MYOF: variants seen among roughly 807,000 people sequenced by gnomAD.
MYOF encodes myoferlin.
In MYOF, 244 loss-of-function variants were observed where a neutral mutation model predicts 284.2. The observed-to-expected ratio is 0.86, with a 90% confidence interval of 0.77 to 0.95. The LOEUF (loss-of-function observed/expected upper bound fraction) is 0.95, where lower values mean the gene tolerates loss of function less well. Among genes scored for constraint, MYOF ranks in the 40% least tolerant of loss-of-function variants. The pLI, the probability that MYOF is intolerant of heterozygous loss-of-function variation, is 0.00. For synonymous variants in MYOF, 904 were observed against 919.7 expected (o/e 0.98, Z 0.31); for missense variants, 2,496 against 2,560.6 (o/e 0.97, Z 0.54).
intron 3 of MYOF, among the ~76,000 whole-genome samples, chr10:93,451,001 A>T (rs569956444): frequency 2.4e-4 from 37 of 152,326 alleles, no homozygotes; most frequent in Non-Finnish European, 4.0e-4. Context: ...GTCACTAGGC[A>T]ATTGACTTCC....
At chr10:93,344,726 T>TAAAAAAAA (rs3081452) in intron 37 of MYOF, among the ~76,000 whole-genome samples, 3 of 76,230 alleles carry the variant, frequency 3.9e-5, no homozygotes, top group African/African-American at 9.2e-5. Flanking sequence ...GAACTTAAAT[T>TAAAAAAAA]AAAAAAAAAA....
chr10:93,358,064 G>T (rs542451522), intron 29 of MYOF, among the ~76,000 whole-genome samples: 4 of 152,194 alleles, frequency 2.6e-5, no homozygotes, highest in Non-Finnish European at 4.4e-5. Context: ...TCTGACAAAG[G>T]TCTAATATCC....
chr10:93,466,674 G>T (rs1372439811), intron 1 of MYOF, among the ~76,000 whole-genome samples: 1 of 152,136 alleles, frequency 6.6e-6, no homozygotes, highest in African/African-American at 2.4e-5. Context: ...ACACATTCAC[G>T]TCTGTTCCCT....
At chr10:93,480,314 G>A (rs2057358535) in intron 1 of MYOF, among the ~76,000 whole-genome samples, 1 of 152,134 alleles carries the variant, frequency 6.6e-6, no homozygotes, top group South Asian at 2.1e-4. Context: ...ACTTTGGGAA[G>A]CTGAGATGGG....
At chr10:93,318,552 A>C (rs1340822664) in intron 49 of MYOF, among the ~76,000 whole-genome samples, 1 of 152,162 alleles carries the variant, frequency 6.6e-6, no homozygotes, top group African/African-American at 2.4e-5. Context: ...TGAGGTCAGG[A>C]GTTCAAGACC....
chr10:93,428,566 AACAC>A (rs58503520), intron 4 of MYOF, among the ~76,000 whole-genome samples: 8,484 of 143,786 alleles, frequency 0.059, 448 homozygotes, highest in African/African-American at 0.15. Context: ...ACATCTGGTA[AACAC>A]ACACACACAC....
At chr10:93,369,071 T>G (rs961606152) in intron 25 of MYOF, among the ~76,000 whole-genome samples, 3 of 148,614 alleles carry the variant, frequency 2.0e-5, no homozygotes, top group African/African-American at 7.3e-5. Context: ...AGTGAAGGTT[T>G]TACAAATTAT....
At chr10:93,437,542 A>G (rs1849183640) in intron 3 of MYOF, among the ~76,000 whole-genome samples, 1 of 152,188 alleles carries the variant, frequency 6.6e-6, no homozygotes, top group Non-Finnish European at 1.5e-5. Context: ...AGGCTGAGAA[A>G]TAAATCACAT....
At position 93,463,394 on chromosome 10, in the gene MYOF, A is replaced by ATT. The variant is rs1554872325; in HGVS notation, c.89-6459_89-6458dup. Among the ~76,000 whole-genome samples, 109 of 78,920 alleles carry ATT rather than the reference A, an allele frequency of 1.4e-3. 1 individual carries two copies. Among genetic ancestry groups the ATT allele is most frequent in the Middle Eastern group, 0.012 (1 of 82 alleles). 51.8% of individuals were successfully genotyped at this position (78,920 alleles called of 152,430 possible). On this transcript the variant is annotated intron_variant, in intron 1 of 53. Coordinates refer to ENST00000359263, the MANE Select transcript of MYOF (RefSeq NM_013451.4). ...ACATAGTGAGACTTCGTCTCTACAA[A>ATT]TTTTTTTTTTTTTTTTTTTTTTTGA...
At chr10:93,440,242 T>C (rs1362403156) in intron 3 of MYOF, among the ~76,000 whole-genome samples, 4 of 152,058 alleles carry the variant, frequency 2.6e-5, no homozygotes, top group African/African-American at 9.7e-5. Flanking sequence ...TGAAACCCCA[T>C]TTCTACTAAA....
chr10:93,339,764 C>T (rs1032695028), intron 39 of MYOF, among the ~76,000 whole-genome samples: 2 of 151,954 alleles, frequency 1.3e-5, no homozygotes, highest in African/African-American at 2.4e-5. Flanking sequence ...CCACTGTGCC[C>T]GGCCCCCCTA....
chr10:93,418,105 G>A (rs1439654129), intron 5 of MYOF, among the ~76,000 whole-genome samples: 6 of 152,116 alleles, frequency 3.9e-5, no homozygotes, highest in Non-Finnish European at 8.8e-5. Flanking sequence ...CCTGGCCTCT[G>A]CCTTTGATCC....
intron 37 of MYOF, among the ~76,000 whole-genome samples, chr10:93,344,726 T>TAA (rs3081452): frequency 1.0e-4 from 8 of 76,216 alleles, no homozygotes; most frequent in South Asian, 5.6e-4. Context: ...GAACTTAAAT[T>TAA]AAAAAAAAAA....
At chr10:93,423,345 GGT>G (rs1007655352) in intron 5 of MYOF, among the ~76,000 whole-genome samples, 1 of 151,340 alleles carries the variant, frequency 6.6e-6, no homozygotes, top group African/African-American at 2.4e-5. Context: ...TGACCAACAT[GGT>G]GAAACTCTAT....
At chr10:93,448,475 G>C (rs2056499498) in intron 3 of MYOF, among the ~76,000 whole-genome samples, 1 of 152,012 alleles carries the variant, frequency 6.6e-6, no homozygotes, top group Non-Finnish European at 1.5e-5. Flanking sequence ...TAGTGTATTT[G>C]TTTATTTTCT....
intron 3 of MYOF, among the ~76,000 whole-genome samples, chr10:93,432,438 C>A (rs770942876): frequency 4.0e-5 from 6 of 151,890 alleles, no homozygotes; most frequent in Non-Finnish European, 5.9e-5. Context: ...CCCACTACCC[C>A]CCGCCAGAAT....
At chr10:93,344,061 T>C in intron 37 of MYOF, 129 bp from the exon 38 acceptor site, 2 of 875,102 alleles carry the variant, frequency 2.3e-6, no homozygotes, top group Non-Finnish European at 3.6e-6. Context: ...ACTTACAGAA[T>C]AGAGAGGACA....
rs1186890666 is a variant in MYOF, at chr10:93,401,533, T to C, written c.1002A>G (p.Arg334=). 1 of 1,614,132 alleles carries C rather than the reference T, an allele frequency of 6.2e-7. No individual in the cohort carries two copies. The highest frequency in any genetic ancestry group is 1.3e-5 in the African/African-American group (1 of 75,038). The stretch of plus-strand genomic sequence containing the variant: ...CATCATCACTGTCATTATCACGATC[T>C]CGTCTCTCAGGCTATTAGGGGCACA... ...GTGDEPPPER[R]DRDNDSDDVE... Residue 334 remains arginine (R), a synonymous_variant, in exon 12 of 54, where the codon CGA becomes CGG. Transcript: ENST00000359263.
chr10:93,445,052 C>A (rs2056389788), intron 3 of MYOF, among the ~76,000 whole-genome samples: 1 of 152,156 alleles, frequency 6.6e-6, no homozygotes, highest in Non-Finnish European at 1.5e-5. Context: ...TAGGGTGGAG[C>A]TTATAAAAGG....
Sources: gnomAD v4.1 joint callset for allele counts (sites outside exome capture counted in the v4.1 genomes callset) on GRCh38, gnomAD v4.1.1 for gene constraint, MANE v1.5 for transcripts, NCBI Gene and HGNC (gene_info 2026-07-23, HGNC 2026-07-21) for gene names.